Variants in PIK3R3 observed in about 807,000 individuals in gnomAD.
PIK3R3 encodes phosphatidylinositol 3-kinase regulatory subunit gamma.
PIK3R3 carries 64 observed loss-of-function variants against 62.9 expected under a neutral mutation model. That is an observed-to-expected ratio of 1.02 (90% CI 0.83 to 1.25). PIK3R3 has a LOEUF of 1.25. PIK3R3 is among the 50% of genes most tolerant of loss of function. PIK3R3 has a pLI of 0.00. For missense variants in PIK3R3, 614 were observed against 561.6 expected (o/e 1.09, Z -0.94); for synonymous variants, 165 against 189.0 (o/e 0.87, Z 1.04).
At chr1:46,148,668 T>C in the PIK3R3 span, among the ~76,000 whole-genome samples, 1 of 151,918 alleles carries the variant, frequency 6.6e-6, no homozygotes, top group South Asian at 2.1e-4. Flanking sequence ...AGAGCATTTC[T>C]CAAATAAAAT....
the PIK3R3 span, among the ~76,000 whole-genome samples, chr1:46,143,469 G>A: frequency 6.6e-6 from 1 of 150,794 alleles, no homozygotes; most frequent in South Asian, 2.1e-4. Context: ...TTTGAGACAG[G>A]GTCTCACTGT....
chr1:46,131,065 A>G (rs554594090), intron 1 of PIK3R3, among the ~76,000 whole-genome samples: 23 of 150,896 alleles, frequency 1.5e-4, no homozygotes, highest in Non-Finnish European at 3.1e-4. Flanking sequence ...ACATATGTAT[A>G]TATCACACGT....
chr1:46,049,164 T>TA (rs57804445), intron 7 of PIK3R3, among the ~76,000 whole-genome samples: 30,315 of 136,778 alleles, frequency 0.22, 3,471 homozygotes, highest in Non-Finnish European at 0.28. Flanking sequence ...AATCTCTTCT[T>TA]AAAAAAAAAA....
intron 3 of PIK3R3, 37 bp downstream of exon 3, chr1:46,077,478 C>T (rs1650165720): frequency 9.8e-7 from 1 of 1,017,102 alleles, no homozygotes; most frequent in African/African-American, 1.6e-5. Context: ...AAAATAACAT[C>T]AGTAGAGAAC....
the PIK3R3 span, among the ~76,000 whole-genome samples, chr1:46,147,912 A>G: frequency 6.6e-6 from 1 of 151,442 alleles, no homozygotes; most frequent in Non-Finnish European, 1.5e-5. Flanking sequence ...TTGAACTCTC[A>G]AAAAAAAAGG....
At chr1:46,165,598 G>C in the PIK3R3 span, among the ~76,000 whole-genome samples, 1 of 151,610 alleles carries the variant, frequency 6.6e-6, no homozygotes, top group African/African-American at 2.4e-5. Flanking sequence ...GAGCCACTGC[G>C]CCTGGCCCCT....
At chr1:46,118,022 G>A (rs1009444965) in intron 1 of PIK3R3, among the ~76,000 whole-genome samples, 10 of 147,910 alleles carry the variant, frequency 6.8e-5, no homozygotes, top group African/African-American at 2.3e-4. Flanking sequence ...AGGCTACAGT[G>A]AGCTGTTGGT....
At chr1:46,136,580 C>T (rs529394727), upstream of PIK3R3, among the ~76,000 whole-genome samples, 1 of 152,132 alleles carries the variant, frequency 6.6e-6, no homozygotes, top group Non-Finnish European at 1.5e-5. Flanking sequence ...GAAATTATGA[C>T]ATTATATGAA....
the PIK3R3 span, among the ~76,000 whole-genome samples, chr1:46,163,076 C>T: frequency 6.6e-6 from 1 of 152,218 alleles, no homozygotes; most frequent in Admixed American, 6.5e-5. Flanking sequence ...CTTTATACCA[C>T]ATCAGGCTGC....
At chr1:46,103,987 G>A (rs960910828) in intron 1 of PIK3R3, among the ~76,000 whole-genome samples, 3 of 150,474 alleles carry the variant, frequency 2.0e-5, no homozygotes, top group Non-Finnish European at 4.4e-5. Flanking sequence ...GTGAAGTGAC[G>A]TGATCTCAGC....
chr1:46,110,123 T>TC (rs1653602074), intron 1 of PIK3R3, among the ~76,000 whole-genome samples: 1 of 149,342 alleles, frequency 6.7e-6, no homozygotes, highest in Non-Finnish European at 1.5e-5. Flanking sequence ...TTTTTTTTTT[T>TC]CTTTTTGAGA....
At chr1:46,079,297 C>T (rs1207411770) in intron 2 of PIK3R3, among the ~76,000 whole-genome samples, 1 of 152,082 alleles carries the variant, frequency 6.6e-6, no homozygotes, top group Non-Finnish European at 1.5e-5. Context: ...TAAGAAAATA[C>T]AATATTCAAA....
chr1:46,063,847 T>C (rs1450606164), intron 5 of PIK3R3, among the ~76,000 whole-genome samples: 1 of 152,254 alleles, frequency 6.6e-6, no homozygotes, highest in African/African-American at 2.4e-5. Flanking sequence ...AAACAAGCTC[T>C]GGTAACAACA....
chr1:46,046,406 G>T, intron 8 of PIK3R3, 145 bp downstream of exon 8: 1 of 654,024 alleles, frequency 1.5e-6, no homozygotes. Context: ...GGTACCTTCA[G>T]GCAATTCAAT....
chr1:46,151,232 A>C, the PIK3R3 span, among the ~76,000 whole-genome samples: 1 of 152,136 alleles, frequency 6.6e-6, no homozygotes, highest in Non-Finnish European at 1.5e-5. Flanking sequence ...CAAGTCCTAT[A>C]GGAAACTCAA....
At chr1:46,174,035 G>T in the PIK3R3 span, among the ~76,000 whole-genome samples, 4 of 152,164 alleles carry the variant, frequency 2.6e-5, no homozygotes, top group Non-Finnish European at 5.9e-5. Context: ...GTGTGCTTGT[G>T]TCTGGGTGCA....
chr1:46,124,900 C>A (rs761894614), intron 1 of PIK3R3, among the ~76,000 whole-genome samples: 2 of 151,216 alleles, frequency 1.3e-5, no homozygotes, highest in African/African-American at 4.9e-5. Context: ...GAGTTTGAGA[C>A]CAGTCTGGCC....
At chr1:46,119,123 T>C (rs1654443725) in intron 1 of PIK3R3, among the ~76,000 whole-genome samples, 1 of 152,226 alleles carries the variant, frequency 6.6e-6, no homozygotes, top group Non-Finnish European at 1.5e-5. Flanking sequence ...CTCCACAGCA[T>C]TTAACACCAT....
At chr1:46,152,264 G>T in the PIK3R3 span, among the ~76,000 whole-genome samples, 4 of 152,132 alleles carry the variant, frequency 2.6e-5, no homozygotes, top group Admixed American at 1.3e-4. Context: ...AAGAGGTTCT[G>T]CCATCACTTC....
Sources: gnomAD v4.1 joint callset for allele counts (sites outside exome capture counted in the v4.1 genomes callset) on GRCh38, gnomAD v4.1.1 for gene constraint, MANE v1.5 for transcripts, NCBI Gene and HGNC (gene_info 2026-07-23, HGNC 2026-07-21) for gene names.